The following DNAJB14 variants were observed in gnomAD, a reference collection of about 807,000 sequenced individuals.
The protein encoded by DNAJB14 is dnaJ homolog subfamily B member 14.
In DNAJB14, 22 loss-of-function variants were observed where a neutral mutation model predicts 48.4. The observed-to-expected ratio is 0.45, with a 90% confidence interval of 0.32 to 0.65. DNAJB14 has a LOEUF of 0.65. DNAJB14 is among the 30% of genes least tolerant of loss of function. The pLI, the probability that DNAJB14 is intolerant of heterozygous loss-of-function variation, is 0.03. For missense variants in DNAJB14, 319 were observed against 458.8 expected (o/e 0.70, Z 2.78); for synonymous variants, 142 against 158.7 (o/e 0.89, Z 0.79).
In DNAJB14 at chr4:99,916,035, T is replaced by A. The variant is rs1226889851; in HGVS notation, c.451+7005A>T. Among the ~76,000 whole-genome samples the A allele has an allele frequency of 3.3e-5, 5 of 152,196 alleles. No homozygotes were observed. The South Asian group carries it at 1.0e-3, about 31-fold the overall frequency. ...CTTGCTCTAATATTAATATAGCAAC[T>A]CCTGTTTTCTTTTGATTAATATTTA... On this transcript the variant is annotated intron_variant, in intron 3 of 7. Coordinates refer to ENST00000442697, the MANE Select transcript of DNAJB14 (RefSeq NM_001031723.4).
At chr4:99,938,840 C>G (rs1228476965) in intron 1 of DNAJB14, among the ~76,000 whole-genome samples, 2 of 152,004 alleles carry the variant, frequency 1.3e-5, no homozygotes, top group African/African-American at 4.8e-5. Context: ...AAAATGATAA[C>G]TTGCTAGTTT....
rs555051173 is a variant in DNAJB14, at chr4:99,932,422, T to A, written c.134-1801A>T. ...AGCACAAAAAAAAAGTTGCTCAACA[T>A]CATTAGCTATTAGGGAAATAAAAAT... On this transcript the variant is annotated intron_variant, in intron 1 of 7. Coordinates refer to ENST00000442697, the MANE Select transcript of DNAJB14 (RefSeq NM_001031723.4). Among the ~76,000 whole-genome samples the A allele has an allele frequency of 2.0e-4, 31 of 152,172 alleles. 1 individual carries two copies. In the South Asian group the frequency reaches 6.4e-3, roughly 32 times the overall value.
chr4:99,910,261 CAAAGA>C (rs1725613052), intron 3 of DNAJB14: 1 of 151,952 alleles, frequency 6.6e-6, no homozygotes, highest in African/African-American at 2.4e-5. Context: ...TTCAGATTCT[CAAAGA>C]ATCTGTGACT....
chr4:99,900,159 A>T lies in DNAJB14; in HGVS notation c.*869T>A, dbSNP rs2110189279. The T allele has an allele frequency of 6.6e-6, 1 of 152,502 alleles. No individual in the cohort carries two copies. The highest frequency in any genetic ancestry group is 2.1e-4 in the South Asian group (1 of 4,824). 9.4% of individuals were successfully genotyped at this position (152,502 alleles called of 1,614,324 possible). Reference sequence around the variant, plus strand: ...AAACTGCAAATTTCTATGGGGGAAAATGTGAGTCCTCTTCATAAATTTTAG... The same window carrying T: ...AAACTGCAAATTTCTATGGGGGAAATTGTGAGTCCTCTTCATAAATTTTAG... On this transcript the variant is annotated 3_prime_UTR_variant, in exon 8 of 8. Coordinates refer to ENST00000442697, the MANE Select transcript of DNAJB14 (RefSeq NM_001031723.4).
rs1725472750 is a variant in DNAJB14 at position 99,906,505 on chromosome 4, T to A, written c.732+12A>T. 1 of 1,609,476 alleles carries A rather than the reference T, an allele frequency of 6.2e-7. No homozygotes were observed. The highest frequency in any genetic ancestry group is 1.3e-5 in the African/African-American group (1 of 74,762). ...AAATTTGCCATTTTGTGATTTCTAG[T>A]CATAAACGTACATCTCCTCTTTCCT... is the stretch of plus-strand genomic sequence containing the variant. On this transcript the variant is annotated intron_variant, in intron 5 of 7. Coordinates refer to ENST00000442697, the MANE Select transcript of DNAJB14 (RefSeq NM_001031723.4).
In DNAJB14 at chr4:99,898,292, A is replaced by G. The variant is rs1331381368; in HGVS notation, c.*2736T>C. The G allele has an allele frequency of 6.6e-6, 1 of 151,956 alleles. No homozygotes were observed. Among genetic ancestry groups the G allele is most frequent in the African/African-American group, 2.4e-5 (1 of 41,432 alleles). The allele number at this position is 151,956 out of a possible 1,614,324, so 9.4% of individuals were successfully genotyped here. On this transcript the variant is annotated 3_prime_UTR_variant, in exon 8 of 8. Coordinates refer to ENST00000442697, the MANE Select transcript of DNAJB14 (RefSeq NM_001031723.4). The stretch of plus-strand genomic sequence containing the variant: ...TTTCTCTACCAAATCTTTGTAAATC[A>G]TAAACAAGCATGTAATGATTATGAA...
intron 1 of DNAJB14, among the ~76,000 whole-genome samples, chr4:99,943,939 T>C (rs1476736111): frequency 6.6e-6 from 1 of 151,896 alleles, no homozygotes; most frequent in Admixed American, 6.6e-5. Flanking sequence ...ATCAACAAAG[T>C]GATGAAAAGG....
intron 3 of DNAJB14, among the ~76,000 whole-genome samples, chr4:99,920,130 T>A (rs2110206183): frequency 6.6e-6 from 1 of 152,326 alleles, no homozygotes; most frequent in African/African-American, 2.4e-5. Flanking sequence ...ATGAGATTTT[T>A]AAATAAGCAT....
At chr4:99,907,673 G>A (rs912908614) in intron 4 of DNAJB14, among the ~76,000 whole-genome samples, 35 of 152,172 alleles carry the variant, frequency 2.3e-4, no homozygotes, top group Admixed American at 1.5e-3. Flanking sequence ...GCAAGACCCT[G>A]TCTCTATTAA....
At position 99,908,732 on chromosome 4, in the gene DNAJB14, A is replaced by G; in HGVS notation, c.616T>C (p.Phe206Leu). ...ITPEDLFNIF[F>L]GGGFPSGSVH... The stretch of plus-strand genomic sequence containing the variant: ...ATACCTGAAGGAAATCCACCCCCAA[A>G]AAATATATTAAACAAGTCTTCTGGA... Residue 206 changes from phenylalanine to leucine, a missense_variant, in exon 4 of 8, where the codon TTT (phenylalanine) becomes CTT (leucine). Physicochemically the swap from Phe to Leu is conservative, Grantham distance 22 (BLOSUM62 0). Transcript: ENST00000442697. 2.7e-5 allele frequency: 43 copies of G among 1,592,302 alleles called. No individual in the cohort carries two copies. The highest frequency in any genetic ancestry group is 3.7e-5 in the Non-Finnish European group (43 of 1,172,822).
rs149086010 is a variant in DNAJB14 at position 99,903,784 on chromosome 4, A to C, written c.957T>G (p.Ser319Arg). Reference sequence around the variant, plus strand: ...TATTAGTCACATAATCTTCCTCCACACTCTTTTCTACCTTTTGTAATAACA... The same window carrying C: ...TATTAGTCACATAATCTTCCTCCACCCTCTTTTCTACCTTTTGTAATAACA... ...KGMLLQKVEK[S>R]VEEDYVTNIR... is the part of the protein sequence containing the mutation. Residue 319 changes from serine (S) to arginine (R), a missense_variant, in exon 7 of 8, where the codon AGT (serine) becomes AGG (arginine). Physicochemically the swap from Ser to Arg is moderately radical, Grantham distance 110. Transcript: ENST00000442697. The C allele has an allele frequency of 6.2e-6, 10 of 1,612,074 alleles. No homozygotes were observed. Among genetic ancestry groups the C allele is most frequent in the Non-Finnish European group, 7.6e-6 (9 of 1,179,112 alleles).
intron 2 of DNAJB14, 130 bp downstream of exon 2, chr4:99,930,320 G>A (rs1455612041): frequency 1.2e-6 from 1 of 866,702 alleles, no homozygotes. Flanking sequence ...TGAAGCATAA[G>A]ACACACCCAG....
At chr4:99,914,847 G>A (rs905890283) in intron 3 of DNAJB14, among the ~76,000 whole-genome samples, 15 of 151,862 alleles carry the variant, frequency 9.9e-5, no homozygotes, top group Non-Finnish European at 1.6e-4. Flanking sequence ...CTTATTATCC[G>A]TTTGATGTCT....
At chr4:99,914,603 C>T (rs1361363777) in intron 3 of DNAJB14, among the ~76,000 whole-genome samples, 1 of 151,898 alleles carries the variant, frequency 6.6e-6, no homozygotes, top group Non-Finnish European at 1.5e-5. Flanking sequence ...TGTAACAAAC[C>T]TGCACGTTGT....
chr4:99,914,593 T>A (rs1033458587), intron 3 of DNAJB14, among the ~76,000 whole-genome samples: 14 of 151,906 alleles, frequency 9.2e-5, no homozygotes, highest in Non-Finnish European at 1.5e-4. Flanking sequence ...TGTATACATA[T>A]GTAACAAACC....
intron 7 of DNAJB14, 123 bp from the exon 8 acceptor site, chr4:99,901,275 A>G: frequency 1.1e-6 from 1 of 932,480 alleles, no homozygotes; most frequent in Non-Finnish European, 1.5e-6. Flanking sequence ...AAAAAAAATC[A>G]AAGTACAATT....
At position 99,923,141 on chromosome 4, in the gene DNAJB14, T is replaced by C; in HGVS notation, c.350A>G (p.Lys117Arg). Residue 117 changes from lysine (K) to arginine (R), a missense_variant, in exon 3 of 8, where the codon AAA (lysine) becomes AGA (arginine). By Grantham distance (26) the Lys-to-Arg change is conservative (BLOSUM62 2). Around this residue, in one of 3 missense-constraint regions of DNAJB14, gnomAD observed 37 missense variants for 87.8 expected, o/e 0.42. Transcript: ENST00000442697. ...KNYYEVLGVT[K>R]DAGDEDLKKA... ...TTTCAAATCTTCATCACCAGCATCT[T>C]TCGTAACTCCAAGTACTTCATAGTA... The C allele has an allele frequency of 6.2e-7, 1 of 1,612,948 alleles. No homozygotes were observed. The highest frequency in any genetic ancestry group is 1.1e-5 in the South Asian group (1 of 90,956).
At chr4:99,930,283 C>A (rs989283261) in intron 2 of DNAJB14, 167 bp downstream of exon 2, 9 of 526,586 alleles carry the variant, frequency 1.7e-5, no homozygotes, top group Non-Finnish European at 2.7e-5. Context: ...AGAGTTGGTA[C>A]TTTACAGACC....
chr4:99,919,494 G>C (rs766094883), intron 3 of DNAJB14, among the ~76,000 whole-genome samples: 1 of 152,144 alleles, frequency 6.6e-6, no homozygotes, highest in South Asian at 2.1e-4. Context: ...CTGAGGCAGA[G>C]AATTGCTTGA....
Sources: gnomAD v4.1 joint callset for allele counts (sites outside exome capture counted in the v4.1 genomes callset) on GRCh38, gnomAD v4.1.1 for gene constraint, gnomAD v4.1.1 regional missense constraint, MANE v1.5 for transcripts, NCBI Gene and HGNC (gene_info 2026-07-23, HGNC 2026-07-21) for gene names.